GABRR1: variants seen among roughly 807,000 people sequenced by gnomAD.
GABRR1 encodes the protein gamma-aminobutyric acid type A receptor subunit rho1.
GABRR1 carries 59 observed loss-of-function variants against 55.5 expected under a neutral mutation model. The ratio of observed to expected loss-of-function variants is 1.06; its 90% CI spans 0.86 to 1.32. The LOEUF (loss-of-function observed/expected upper bound fraction) is 1.32, where lower values mean the gene tolerates loss of function less well. GABRR1 is among the 40% of genes most tolerant of loss of function. The pLI is 0.00. For missense variants in GABRR1, 602 were observed against 619.1 expected, an observed-to-expected ratio of 0.97 and a Z score of 0.29; for synonymous variants, 213 against 226.0, an observed-to-expected ratio of 0.94 and a Z score of 0.51.
At chr6:89,197,902 G>A (rs1046124896) in intron 5 of GABRR1, 118 bp downstream of exon 5, 6 of 754,754 alleles carry the variant, frequency 7.9e-6, no homozygotes, top group African/African-American at 1.7e-5. Flanking sequence ...CCTTGATGTT[G>A]AGAAGCTGGC....
rs1197135677 is a variant in GABRR1, at chr6:89,178,438, A to C, written c.*332T>G. ...AAAATAAATTATTCATGTGAATAGC[A>C]TCAAGGGTCTAACGGGTGGAACTAA... On this transcript the variant is annotated 3_prime_UTR_variant, in exon 10 of 10. Coordinates refer to ENST00000454853, the MANE Select transcript of GABRR1 (RefSeq NM_002042.5). The C allele has an allele frequency of 1.6e-5, 5 of 316,996 alleles. No individual in the cohort carries two copies. The highest frequency in any genetic ancestry group is 3.0e-5 in the Non-Finnish European group (5 of 169,324). The allele number at this position is 316,996 out of a possible 1,614,324, so 19.6% of individuals were successfully genotyped here.
Position 89,201,194 on chromosome 6 carries a change from T to C in GABRR1, c.245A>G (p.Asp82Gly), listed in dbSNP as rs755752806. ...AGGCCTCATGCTGAAATCATGGTCA[T>C]CTATCCTCAGAAGCTGTTCTGACTT... ...LTKSEQLLRI[D>G]DHDFSMRPGF... The change falls in exon 3 of 10, where the codon GAT becomes GGT. Residue 82 changes from aspartate to glycine, a missense_variant. This residue lies in a region of GABRR1 where 435 missense variants were observed against 424.2 expected (regional missense o/e 1.03). Coordinates refer to ENST00000454853, the MANE Select transcript of GABRR1 (RefSeq NM_002042.5). The C allele has an allele frequency of 1.9e-6, 3 of 1,614,148 alleles. No individual in the cohort carries two copies. In the East Asian group the frequency reaches 6.7e-5, roughly 36 times the overall value.
intron 8 of GABRR1, among the ~76,000 whole-genome samples, chr6:89,181,004 G>T (rs985335832): frequency 1.3e-5 from 2 of 152,186 alleles, no homozygotes; most frequent in Non-Finnish European, 2.9e-5. Flanking sequence ...TGCCCATTCA[G>T]CATTGTCCAC....
chr6:89,199,735 C>G (rs906961321), intron 3 of GABRR1, among the ~76,000 whole-genome samples: 2 of 152,154 alleles, frequency 1.3e-5, no homozygotes, highest in Admixed American at 1.3e-4. Context: ...CATGAGGTCA[C>G]CCACATTATT....
intron 2 of GABRR1, among the ~76,000 whole-genome samples, chr6:89,202,051 G>A (rs7770480): frequency 0.69 from 104,671 of 151,878 alleles, 36,356 homozygotes; most frequent in East Asian, 0.92. Context: ...TGGAGGGAGC[G>A]GGACCTTGCC....
upstream of GABRR1, among the ~76,000 whole-genome samples, chr6:89,218,791 C>T (rs112112696): frequency 7.0e-4 from 106 of 152,302 alleles, no homozygotes; most frequent in African/African-American, 2.3e-3. Flanking sequence ...GGAAACCTGA[C>T]GTAGGTCCAG....
At chr6:89,208,734 C>T (rs748864866) in intron 1 of GABRR1, among the ~76,000 whole-genome samples, 2 of 152,248 alleles carry the variant, frequency 1.3e-5, no homozygotes, top group African/African-American at 4.8e-5. Flanking sequence ...GCAGCCCCCA[C>T]AAATGTGTGA....
intron 1 of GABRR1, among the ~76,000 whole-genome samples, chr6:89,226,245 G>T: frequency 7.0e-6 from 1 of 142,376 alleles, no homozygotes. Context: ...AGTTTCTTTT[G>T]CTGTGCAGAA....
chr6:89,224,997 A>G (rs1773175604), intron 1 of GABRR1, among the ~76,000 whole-genome samples: 1 of 152,056 alleles, frequency 6.6e-6, no homozygotes, highest in Admixed American at 6.5e-5. Context: ...CGGCCAGGCT[A>G]GTCTTGAACT....
At chr6:89,207,628 A>T (rs1772693436) in intron 1 of GABRR1, among the ~76,000 whole-genome samples, 1 of 152,212 alleles carries the variant, frequency 6.6e-6, no homozygotes, top group African/African-American at 2.4e-5. Context: ...ATTTGCTACC[A>T]GAATAGTGGA....
intron 1 of GABRR1, among the ~76,000 whole-genome samples, chr6:89,210,954 G>A (rs543591928): frequency 2.6e-5 from 4 of 152,234 alleles, no homozygotes; most frequent in East Asian, 3.9e-4. Context: ...AGGCTTCTCA[G>A]AGGAGGTGAC....
intron 5 of GABRR1, among the ~76,000 whole-genome samples, chr6:89,191,877 A>G (rs1772099890): frequency 1.3e-5 from 2 of 152,052 alleles, no homozygotes. Context: ...CTCCTCAGCT[A>G]AGATAAAAGT....
chr6:89,182,207 G>A, intron 7 of GABRR1, 150 bp from the exon 8 acceptor site: 1 of 738,744 alleles, frequency 1.4e-6, no homozygotes, highest in East Asian at 2.7e-5. Flanking sequence ...GAAACAAAGT[G>A]ATTATATAGT....
chr6:89,191,366 G>A (rs912523800), intron 5 of GABRR1, among the ~76,000 whole-genome samples: 2 of 152,174 alleles, frequency 1.3e-5, no homozygotes, highest in Non-Finnish European at 2.9e-5. Flanking sequence ...GTACATCATC[G>A]CATAACAATG....
rs962386486 is a variant in GABRR1 at position 89,185,242 on chromosome 6, AAT to A, written c.796+66_796+67del. On this transcript the variant is annotated intron_variant, in intron 7 of 9. Coordinates refer to ENST00000454853, the MANE Select transcript of GABRR1 (RefSeq NM_002042.5). ...GACGACCAATTCAAACCTTTCCTAT[AAT>A]AGAGGGTGAACCTTGGAGACCAAGC... 7 of 1,592,124 alleles carry A rather than the reference AAT, an allele frequency of 4.4e-6. No individual in the cohort carries two copies. The African/African-American group carries it at 9.4e-5, about 21-fold the overall frequency.
At chr6:89,195,260 A>C (rs1772226184) in intron 5 of GABRR1, among the ~76,000 whole-genome samples, 1 of 152,150 alleles carries the variant, frequency 6.6e-6, no homozygotes, top group African/African-American at 2.4e-5. Flanking sequence ...CAGGAGTTTG[A>C]GACCAGCCTG....
intron 6 of GABRR1, among the ~76,000 whole-genome samples, chr6:89,186,831 T>C (rs1442731554): frequency 6.6e-6 from 1 of 152,188 alleles, no homozygotes; most frequent in Non-Finnish European, 1.5e-5. Flanking sequence ...CCCTTGGTCC[T>C]GGGTTTTATT....
chr6:89,188,317 C>T lies in GABRR1; in HGVS notation c.655+1848G>A, dbSNP rs117869701. Among the ~76,000 whole-genome samples the T allele has an allele frequency of 5.3e-3, 810 of 152,322 alleles. 1 individual carries two copies. Among genetic ancestry groups the T allele is most frequent in the Middle Eastern group, 0.017 (5 of 294 alleles). On this transcript the variant is annotated intron_variant, in intron 6 of 9. Coordinates refer to ENST00000454853, the MANE Select transcript of GABRR1 (RefSeq NM_002042.5). ...GGGATTACAGGTATGAGCAACCGTG[C>T]CCAGCCATTGTTTTAATTTTTTGAG...
chr6:89,224,944 A>C (rs1773174540), intron 1 of GABRR1, among the ~76,000 whole-genome samples: 2 of 151,998 alleles, frequency 1.3e-5, no homozygotes, highest in South Asian at 4.1e-4. Context: ...CACCACACCC[A>C]GCTAATTTTT....
Sources: gnomAD v4.1 joint callset for allele counts (sites outside exome capture counted in the v4.1 genomes callset) on GRCh38, gnomAD v4.1.1 for gene constraint, gnomAD v4.1.1 regional missense constraint, MANE v1.5 for transcripts, NCBI Gene and HGNC (gene_info 2026-07-23, HGNC 2026-07-21) for gene names.